Variants in SLC30A8 observed in about 807,000 individuals in gnomAD.
SLC30A8 encodes solute carrier family 30 member 8.
A neutral mutation model predicts 36.9 loss-of-function variants in SLC30A8; 27 were observed. The observed-to-expected ratio is 0.73, with a 90% CI of 0.54 to 1.01. The LOEUF (loss-of-function observed/expected upper bound fraction) is 1.01. Ranked by LOEUF, SLC30A8 falls within the 50% of genes least tolerant of loss-of-function variation. The pLI is 0.00. For synonymous variants in SLC30A8, 164 were observed against 172.4 expected (o/e 0.95, Z 0.38); for missense variants, 439 against 452.0 (o/e 0.97, Z 0.26).
intron 1 of SLC30A8, among the ~76,000 whole-genome samples, chr8:117,011,067 T>C (rs1374726737): frequency 6.6e-6 from 1 of 152,220 alleles, no homozygotes; most frequent in East Asian, 1.9e-4. Flanking sequence ...AATTCTATTC[T>C]ACTACGCTAA....
intron 2 of SLC30A8, among the ~76,000 whole-genome samples, chr8:117,041,111 C>T (rs1356436580): frequency 4.6e-5 from 7 of 152,164 alleles, no homozygotes; most frequent in Non-Finnish European, 8.8e-5. Context: ...GCCATTTGCT[C>T]TGACTGTTTT....
chr8:117,034,002 T>C (rs1563757237), intron 1 of SLC30A8, among the ~76,000 whole-genome samples: 3 of 152,156 alleles, frequency 2.0e-5, no homozygotes, highest in African/African-American at 4.8e-5. Flanking sequence ...TCTGATGAAA[T>C]AGGGCTGTGG....
At chr8:116,960,476 T>C (rs1195889667) in intron 1 of SLC30A8, among the ~76,000 whole-genome samples, 7 of 152,230 alleles carry the variant, frequency 4.6e-5, no homozygotes, top group Admixed American at 4.6e-4. Flanking sequence ...GTAACTTGTC[T>C]CACTTCTTTC....
intron 2 of SLC30A8, among the ~76,000 whole-genome samples, chr8:117,090,995 A>G (rs1478939980): frequency 6.6e-6 from 1 of 152,164 alleles, no homozygotes; most frequent in Non-Finnish European, 1.5e-5. Context: ...GGATGAATAA[A>G]CCACTTTTTG....
At chr8:117,109,919 C>T (rs770876301) in intron 2 of SLC30A8, among the ~76,000 whole-genome samples, 5 of 152,100 alleles carry the variant, frequency 3.3e-5, no homozygotes, top group African/African-American at 4.8e-5. Context: ...ACAGAAGAGC[C>T]GGCTCAGCAT....
At chr8:117,030,696 T>C (rs907111336) in intron 1 of SLC30A8, among the ~76,000 whole-genome samples, 7 of 151,998 alleles carry the variant, frequency 4.6e-5, no homozygotes, top group African/African-American at 1.5e-4. Flanking sequence ...TAGGTTTTGC[T>C]GAGTTATTTA....
Position 117,163,424 on chromosome 8 carries a change from G to A in SLC30A8, c.724-1G>A, listed in dbSNP as rs775627324. 2 of 1,604,852 alleles carry A rather than the reference G, an allele frequency of 1.2e-6. No homozygotes were observed. The highest frequency in any genetic ancestry group is 1.1e-5 in the South Asian group (1 of 89,368). Reference sequence around the variant, plus strand: ...ACCAAAATCCCTGTTTTTTTTTCTAGCCAGAGTATAAAATAGCCGACCCAA... The same window carrying A: ...ACCAAAATCCCTGTTTTTTTTTCTAACCAGAGTATAAAATAGCCGACCCAA... On this transcript the variant is annotated splice_acceptor_variant, in intron 5 of 7. Transcript: ENST00000456015. LOFTEE classifies it high-confidence loss of function.
chr8:116,965,899 T>C lies in SLC30A8; in HGVS notation c.-266+14780T>C, dbSNP rs1045552165. The stretch of plus-strand genomic sequence containing the variant: ...ATTTTTTTTAATTTTTTTTTTTTTT[T>C]TGGAGATGGAGTCTTGCTCTGTTAC... On this transcript the variant is annotated intron_variant, in intron 1 of 10. Transcript: ENST00000427715. Among the ~76,000 whole-genome samples the C allele has an allele frequency of 9.9e-5, 15 of 151,478 alleles. No individual in the cohort carries two copies. In the South Asian group the frequency reaches 2.1e-3, roughly 21 times the overall value.
chr8:117,171,961 T>C (rs1823407278), intron 7 of SLC30A8, among the ~76,000 whole-genome samples: 1 of 152,100 alleles, frequency 6.6e-6, no homozygotes, highest in African/African-American at 2.4e-5. Context: ...TGAGGGAATT[T>C]ACAGCATTCA....
At chr8:117,010,396 C>T (rs771910960) in intron 1 of SLC30A8, among the ~76,000 whole-genome samples, 23 of 152,280 alleles carry the variant, frequency 1.5e-4, no homozygotes, top group African/African-American at 4.1e-4. Context: ...GGCAGCTCCA[C>T]GGCCTAGTAG....
chr8:117,130,479 A>T (rs1023754555), upstream of SLC30A8, among the ~76,000 whole-genome samples: 4 of 152,028 alleles, frequency 2.6e-5, no homozygotes, highest in African/African-American at 9.7e-5. Context: ...AGTGCTCATG[A>T]AAATTAAATG....
intron 2 of SLC30A8, among the ~76,000 whole-genome samples, chr8:117,062,862 C>G (rs1050882548): frequency 4.6e-5 from 7 of 152,192 alleles, no homozygotes; most frequent in Non-Finnish European, 1.0e-4. Context: ...TAGTTTTCGT[C>G]CACAGTGGTC....
At chr8:117,072,958 A>G (rs1017704611) in intron 2 of SLC30A8, among the ~76,000 whole-genome samples, 7 of 151,966 alleles carry the variant, frequency 4.6e-5, no homozygotes, top group African/African-American at 1.5e-4. Context: ...TTTCCATTAA[A>G]TTTAATGTGG....
At chr8:117,107,050 C>G (rs187648893) in intron 2 of SLC30A8, among the ~76,000 whole-genome samples, 1 of 152,274 alleles carries the variant, frequency 6.6e-6, no homozygotes. Context: ...CTGACAAAAA[C>G]AGAGTGAGAA....
At chr8:117,100,917 A>G (rs1819687156) in intron 2 of SLC30A8, among the ~76,000 whole-genome samples, 1 of 152,200 alleles carries the variant, frequency 6.6e-6, no homozygotes, top group South Asian at 2.1e-4. Flanking sequence ...TAATGTCTCC[A>G]TTATGCTCTG....
chr8:116,975,569 A>G (rs1016795233), intron 1 of SLC30A8, among the ~76,000 whole-genome samples: 12 of 152,340 alleles, frequency 7.9e-5, no homozygotes, highest in Non-Finnish European at 1.2e-4. Context: ...GTCACCTGCA[A>G]TGACGTAGAG....
chr8:117,143,965 C>A (rs189273978), intron 1 of SLC30A8, among the ~76,000 whole-genome samples: 1 of 152,178 alleles, frequency 6.6e-6, no homozygotes, highest in South Asian at 2.1e-4. Flanking sequence ...AATTATCTCT[C>A]CTGGTCACTG....
In SLC30A8 at chr8:117,148,681, C is replaced by T. The variant is rs546843076; in HGVS notation, c.271+1528C>T. 9.9e-5 allele frequency among the ~76,000 whole-genome samples: 15 copies of T among 152,126 alleles called. No individual in the cohort carries two copies. In the East Asian group the frequency reaches 1.9e-3, roughly 20 times the overall value. On this transcript the variant is annotated intron_variant, in intron 2 of 7. Coordinates refer to ENST00000456015, the MANE Select transcript of SLC30A8 (RefSeq NM_173851.3). ...CCTCCAGGAATATGTTATGTTTCTCCGTTTATCCAAATATTCTACATGTCT... is the reference window on the plus strand; with the variant it reads ...CCTCCAGGAATATGTTATGTTTCTCTGTTTATCCAAATATTCTACATGTCT...
chr8:117,028,163 T>C (rs1204363204), intron 1 of SLC30A8, among the ~76,000 whole-genome samples: 1 of 152,160 alleles, frequency 6.6e-6, no homozygotes, highest in African/African-American at 2.4e-5. Flanking sequence ...TTAAATGACA[T>C]TGTGATTTCC....
Sources: allele counts gnomAD v4.1 joint callset (sites outside exome capture counted in the v4.1 genomes callset), GRCh38; gene constraint gnomAD v4.1.1; transcripts MANE v1.5; gene names NCBI Gene and HGNC (gene_info 2026-07-23, HGNC 2026-07-21).